The following SLC25A29 variants were observed in gnomAD, a reference collection of about 807,000 sequenced individuals.
SLC25A29 encodes the protein mitochondrial basic amino acids transporter.
SLC25A29 carries 13 observed loss-of-function variants against 10.0 expected under a neutral mutation model. The ratio of observed to expected loss-of-function variants is 1.30; its 90% CI spans 0.85 to 2.07. The LOEUF is 2.07. Ranked by LOEUF, SLC25A29 falls within the 30% of genes most tolerant of loss-of-function variation. The probability of loss-of-function intolerance (pLI) is 0.00; values close to 1 mark genes in which losing one functional copy is unlikely to be tolerated. For synonymous variants in SLC25A29, 244 were observed against 221.1 expected (o/e 1.10, Z -0.92); for missense variants, 475 against 447.6 (o/e 1.06, Z -0.55).
At chr14:100,288,382 C>CAAA (rs541814439), downstream of SLC25A29, among the ~76,000 whole-genome samples, 1,751 of 63,390 alleles carry the variant, frequency 0.028, 193 homozygotes, top group African/African-American at 0.067. Flanking sequence ...AACTCTATCT[C>CAAA]AAAAAAAAAA....
chr14:100,293,254 A>G (rs201909229), intron 3 of SLC25A29, 40 bp downstream of exon 3: 1 of 1,602,848 alleles, frequency 6.2e-7, no homozygotes, highest in African/African-American at 1.3e-5. Context: ...CTAGTTCCCC[A>G]TCCTGTGCCT....
At chr14:100,283,456 T>C in the SLC25A29 span, among the ~76,000 whole-genome samples, 1 of 149,358 alleles carries the variant, frequency 6.7e-6, no homozygotes, top group Non-Finnish European at 1.5e-5. Flanking sequence ...AGATTTTACA[T>C]GGGAAGGAAC....
chr14:100,301,420 C>T (rs1892539234), intron 1 of SLC25A29, among the ~76,000 whole-genome samples: 1 of 152,254 alleles, frequency 6.6e-6, no homozygotes, highest in African/African-American at 2.4e-5. Context: ...CTGCCTCGGC[C>T]TCCCAAAGTG....
At chr14:100,284,943 G>A in the SLC25A29 span, among the ~76,000 whole-genome samples, 1 of 151,796 alleles carries the variant, frequency 6.6e-6, no homozygotes, top group African/African-American at 2.4e-5. Context: ...GGAGGCTGAG[G>A]CAGGAGAATC....
rs1891778428 is a variant in SLC25A29 at position 100,292,425 on chromosome 14, C to T, written c.770G>A (p.Arg257His). ...FTRGLASTLLRAFPVNAATFA... is the reference protein window; with the variant it reads ...FTRGLASTLLHAFPVNAATFA... ...GGTGGCAGCGTTGACGGGGAAGGCGCGCAGCAGCGTGGACGCCAGCCCCCG... is the reference window on the plus strand; with the variant it reads ...GGTGGCAGCGTTGACGGGGAAGGCGTGCAGCAGCGTGGACGCCAGCCCCCG... The change falls in exon 4 of 4, where the codon CGC (arginine) becomes CAC (histidine). Residue 257 changes from arginine (R) to histidine (H), a missense_variant. Arg to His is a conservative substitution (Grantham distance 29). Transcript: ENST00000359232. The T allele has an allele frequency of 1.9e-6, 3 of 1,578,868 alleles. No homozygotes were observed. The highest frequency in any genetic ancestry group is 2.6e-6 in the Non-Finnish European group (3 of 1,165,070).
At chr14:100,298,974 T>G in intron 1 of SLC25A29, 89 bp from the exon 2 acceptor site, 1 of 1,558,312 alleles carries the variant, frequency 6.4e-7, no homozygotes, top group Non-Finnish European at 8.7e-7. Flanking sequence ...CAAGGAAGAC[T>G]GGCAGGAGCT....
chr14:100,292,354 C>T lies in SLC25A29; in HGVS notation c.841G>A (p.Ala281Thr), dbSNP rs546459479. 4.7e-6 allele frequency: 7 copies of T among 1,501,822 alleles called. No homozygotes were observed. In the Admixed American group the frequency reaches 1.2e-4, roughly 25 times the overall value. The allele number at this position is 1,501,822 out of a possible 1,614,324, so 93.0% of individuals were successfully genotyped here. Residue 281 changes from alanine (A) to threonine (T), a missense_variant, in exon 4 of 4, where the codon GCC (alanine) becomes ACC (threonine). Coordinates refer to ENST00000359232, the MANE Select transcript of SLC25A29 (RefSeq NM_001039355.3). Reference protein sequence around the residue: ...VVLTYARGEEAGPEGEAVPAA... With the variant: ...VVLTYARGEETGPEGEAVPAA... The stretch of plus-strand genomic sequence containing the variant: ...GGCACAGCCTCGCCCTCGGGCCCGG[C>T]CTCCTCGCCGCGCGCGTAGGTGAGC...
Position 100,292,550 on chromosome 14 carries a change from C to T in SLC25A29, c.645G>A (p.Ser215=), listed in dbSNP as rs913866687. 6.9e-6 allele frequency: 11 copies of T among 1,600,520 alleles called. No homozygotes were observed. Among genetic ancestry groups the T allele is most frequent in the Non-Finnish European group, 7.7e-6 (9 of 1,174,468 alleles). The change falls in exon 4 of 4, where the codon TCG becomes TCA. Residue 215 remains serine (S), a synonymous_variant. Coordinates refer to ENST00000359232, the MANE Select transcript of SLC25A29 (RefSeq NM_001039355.3). ...CCCGCAGTCCGTCCGCCTGCAGCCG[C>T]GACTTGACCACGTCCACAGGATAGG... ...LSTYPVDVVK[S]RLQADGLRGA...
Position 100,293,009 on chromosome 14 carries a change from C to T in SLC25A29, c.186G>A (p.Leu62=), listed in dbSNP as rs542540566. The T allele has an allele frequency of 1.3e-6, 2 of 1,576,410 alleles. No individual in the cohort carries two copies. Among genetic ancestry groups the T allele is most frequent in the South Asian group, 2.3e-5 (2 of 85,504 alleles). The change falls in exon 4 of 4, where the codon CTG becomes CTA. Residue 62 remains leucine (L), a synonymous_variant. Transcript: ENST00000359232. ...QESVLGLYKG[L]GSPLMGLTFI... ...AGGTGAGCCCCATGAGCGGCGAGCC[C>T]AGGCCCTTGTACAGGCCCAGCACCT...
chr14:100,293,601 G>A (rs1484703017), intron 2 of SLC25A29: 2 of 569,572 alleles, frequency 3.5e-6, no homozygotes, highest in African/African-American at 1.9e-5. Context: ...TGGAGACAGG[G>A]TAGGGGGTCC....
At chr14:100,306,177 G>A in intron 1 of SLC25A29, 22 bp downstream of exon 1, 2 of 1,465,112 alleles carry the variant, frequency 1.4e-6, no homozygotes, top group Non-Finnish European at 1.8e-6. Context: ...CCCCGGCCCG[G>A]CCCGGCCCGC....
downstream of SLC25A29, among the ~76,000 whole-genome samples, chr14:100,289,127 G>A (rs1891606293): frequency 6.6e-6 from 1 of 152,248 alleles, no homozygotes; most frequent in East Asian, 1.9e-4. Context: ...GGAAGAAGCA[G>A]GGAACAGTTC....
chr14:100,303,498 A>G (rs1038837808), intron 1 of SLC25A29, among the ~76,000 whole-genome samples: 1 of 152,188 alleles, frequency 6.6e-6, no homozygotes, highest in Admixed American at 6.5e-5. Flanking sequence ...GCCCCACTCA[A>G]GTCTCCCAGG....
chr14:100,300,622 A>G (rs1314370437), intron 1 of SLC25A29, among the ~76,000 whole-genome samples: 1 of 152,154 alleles, frequency 6.6e-6, no homozygotes, highest in African/African-American at 2.4e-5. Context: ...TGACTTCAAA[A>G]AAAGCCAAGC....
downstream of SLC25A29, among the ~76,000 whole-genome samples, chr14:100,288,868 C>G (rs1321910098): frequency 1.3e-5 from 2 of 152,238 alleles, no homozygotes; most frequent in Admixed American, 1.3e-4. Context: ...AAAATCCGTT[C>G]AAGTCCTAAC....
chr14:100,293,478 C>G (rs964328911), intron 2 of SLC25A29, 101 bp from the exon 3 acceptor site: 1 of 1,017,378 alleles, frequency 9.8e-7, no homozygotes, highest in Non-Finnish European at 1.5e-6. Context: ...CCAAGGAGGC[C>G]GGGCACTCAG....
In SLC25A29 at chr14:100,298,836, A is replaced by G; in HGVS notation, c.78+6T>C. On this transcript the variant is annotated splice_donor_region_variant and intron_variant, in intron 2 of 3. Transcript: ENST00000359232. The stretch of plus-strand genomic sequence containing the variant: ...CCGAGGAAAAAAAAGCAGCGATGAG[A>G]CTCACCTTGACCGTGTCAAACGGGT... The G allele has an allele frequency of 6.2e-7, 1 of 1,614,044 alleles. No individual in the cohort carries two copies. Among genetic ancestry groups the G allele is most frequent in the Non-Finnish European group, 8.5e-7 (1 of 1,180,004 alleles).
chr14:100,285,514 G>T, the SLC25A29 span, among the ~76,000 whole-genome samples: 12 of 151,848 alleles, frequency 7.9e-5, no homozygotes, highest in African/African-American at 2.9e-4. Context: ...GACCTCGCGG[G>T]GACCCGAGGC....
intron 1 of SLC25A29, among the ~76,000 whole-genome samples, chr14:100,302,570 G>A (rs1383021257): frequency 6.6e-6 from 1 of 151,766 alleles, no homozygotes; most frequent in Non-Finnish European, 1.5e-5. Flanking sequence ...TTGGCCAGGA[G>A]GGTCTCGATC....
Sources: gnomAD v4.1 joint callset for allele counts (sites outside exome capture counted in the v4.1 genomes callset) on GRCh38, gnomAD v4.1.1 for gene constraint, MANE v1.5 for transcripts, NCBI Gene and HGNC (gene_info 2026-07-23, HGNC 2026-07-21) for gene names.